Variants in EXOC4 observed in about 807,000 individuals in gnomAD.
EXOC4 encodes the protein exocyst complex component 4.
In EXOC4, 71 loss-of-function variants were observed where a neutral mutation model predicts 107.2. That is an observed-to-expected ratio of 0.66 (90% confidence interval 0.55 to 0.81). The LOEUF (loss-of-function observed/expected upper bound fraction) is 0.81, where lower values mean the gene tolerates loss of function less well. EXOC4 is among the 30% of genes least tolerant of loss of function. The pLI is 0.00. For missense variants in EXOC4, 1,108 were observed against 1,189.6 expected (o/e 0.93, Z 1.01); for synonymous variants, 456 against 441.2 (o/e 1.03, Z -0.42).
intron 7 of EXOC4, among the ~76,000 whole-genome samples, chr7:133,391,983 TA>T (rs1796862449): frequency 1.3e-5 from 2 of 152,330 alleles, no homozygotes; most frequent in South Asian, 4.1e-4. Flanking sequence ...ATAAAGGAAT[TA>T]CTTACTTTCC....
At chr7:133,583,981 G>A (rs1196383451) in intron 9 of EXOC4, among the ~76,000 whole-genome samples, 1 of 152,114 alleles carries the variant, frequency 6.6e-6, no homozygotes, top group Non-Finnish European at 1.5e-5. Context: ...GACTGTGTGG[G>A]TCGGGGAAGA....
intron 7 of EXOC4, among the ~76,000 whole-genome samples, chr7:133,416,041 TA>T (rs573398402): frequency 2.0e-5 from 3 of 152,264 alleles, no homozygotes; most frequent in African/African-American, 7.2e-5. Flanking sequence ...TGTAGTTAAA[TA>T]AAAAACAACA....
At chr7:133,808,673 A>T (rs2542275) in intron 10 of EXOC4, among the ~76,000 whole-genome samples, 150,245 of 152,252 alleles carry the variant, frequency 0.99, 74,175 homozygotes, top group Middle Eastern at 1. Context: ...CCAAAGCCCA[A>T]TTGTCATCTG....
chr7:133,329,669 A>T (rs1795333636), intron 5 of EXOC4, among the ~76,000 whole-genome samples: 1 of 152,100 alleles, frequency 6.6e-6, no homozygotes. Flanking sequence ...TTTCCTTCTA[A>T]CAGTCAGGAC....
intron 7 of EXOC4, among the ~76,000 whole-genome samples, chr7:133,436,514 A>T (rs541183027): frequency 6.6e-6 from 1 of 151,468 alleles, no homozygotes; most frequent in Non-Finnish European, 1.5e-5. Context: ...AAAAAAAAAA[A>T]CCCTAATATT....
the EXOC4 span, among the ~76,000 whole-genome samples, chr7:134,077,638 C>T: frequency 6.6e-6 from 1 of 152,172 alleles, no homozygotes; most frequent in Non-Finnish European, 1.5e-5. Context: ...ACACACTTCA[C>T]AAAAGGGGGT....
chr7:133,918,800 A>T (rs1483301025), intron 13 of EXOC4, among the ~76,000 whole-genome samples: 1 of 152,182 alleles, frequency 6.6e-6, no homozygotes, highest in Non-Finnish European at 1.5e-5. Context: ...CAAAGTTGGG[A>T]TTAATATTAT....
chr7:133,772,147 C>T (rs866098794), intron 10 of EXOC4, among the ~76,000 whole-genome samples: 6 of 151,848 alleles, frequency 4.0e-5, no homozygotes, highest in African/African-American at 2.4e-5. Flanking sequence ...ATATGAGGCA[C>T]GAGTTCAACA....
In EXOC4 at chr7:133,428,714, C is replaced by T. The variant is rs150975410; in HGVS notation, c.1183-46614C>T. On this transcript the variant is annotated intron_variant, in intron 7 of 17. Coordinates refer to ENST00000253861, the MANE Select transcript of EXOC4 (RefSeq NM_021807.4). Reference sequence around the variant, plus strand: ...TTCGGGTTCCTTCAGTTATATTCTACATCAGTGTGTTTTCTGGTATGCCAC... The same window carrying T: ...TTCGGGTTCCTTCAGTTATATTCTATATCAGTGTGTTTTCTGGTATGCCAC... 1.8e-4 allele frequency among the ~76,000 whole-genome samples: 28 copies of T among 152,306 alleles called. No homozygotes were observed. The East Asian group carries it at 5.4e-3, about 29-fold the overall frequency.
chr7:133,779,196 A>G (rs753006597), intron 10 of EXOC4, among the ~76,000 whole-genome samples: 3 of 152,226 alleles, frequency 2.0e-5, no homozygotes, highest in Admixed American at 6.5e-5. Context: ...GGTAGGCCAC[A>G]GGGTTTTGCT....
chr7:133,678,322 T>C (rs1055411546), intron 10 of EXOC4, among the ~76,000 whole-genome samples: 2 of 152,170 alleles, frequency 1.3e-5, no homozygotes, highest in African/African-American at 4.8e-5. Flanking sequence ...TAATTCTCAA[T>C]TTCCCACTTT....
At chr7:133,669,155 G>T (rs961945737) in intron 10 of EXOC4, among the ~76,000 whole-genome samples, 7 of 151,948 alleles carry the variant, frequency 4.6e-5, no homozygotes, top group Non-Finnish European at 4.4e-5. Context: ...CACCAATACA[G>T]ATTTTCCCCC....
intron 5 of EXOC4, among the ~76,000 whole-genome samples, chr7:133,340,708 G>A (rs1484607052): frequency 6.6e-6 from 1 of 151,884 alleles, no homozygotes; most frequent in African/African-American, 2.4e-5. Context: ...CTCACTGCTT[G>A]TTATTGGTTT....
Position 133,366,727 on chromosome 7 carries a change from A to C in EXOC4, c.1008-8101A>C, listed in dbSNP as rs570515144. 6.2e-4 allele frequency among the ~76,000 whole-genome samples: 95 copies of C among 152,290 alleles called. No individual in the cohort carries two copies. In the South Asian group the frequency reaches 8.1e-3, roughly 13 times the overall value. ...GAGCCCACTTTTTCATTCCTTTATC[A>C]ACAAATATTTATTGCCTATCATATG... On this transcript the variant is annotated intron_variant, in intron 6 of 17. Coordinates refer to ENST00000253861, the MANE Select transcript of EXOC4 (RefSeq NM_021807.4).
chr7:133,761,902 C>G (rs779629441), intron 10 of EXOC4, among the ~76,000 whole-genome samples: 1 of 152,166 alleles, frequency 6.6e-6, no homozygotes, highest in Non-Finnish European at 1.5e-5. Context: ...GCTTCTCCCT[C>G]CTGACATGAG....
At chr7:133,509,786 G>A (rs1799732600) in intron 9 of EXOC4, among the ~76,000 whole-genome samples, 2 of 152,168 alleles carry the variant, frequency 1.3e-5, no homozygotes, top group African/African-American at 2.4e-5. Flanking sequence ...GGCATTGTCT[G>A]TCTTTGTTAA....
At chr7:133,346,062 A>G (rs1278479506) in intron 5 of EXOC4, among the ~76,000 whole-genome samples, 1 of 152,232 alleles carries the variant, frequency 6.6e-6, no homozygotes, top group Non-Finnish European at 1.5e-5. Context: ...ATTAATTAGA[A>G]TAAAAGATGT....
At chr7:133,959,644 G>A (rs1482525960) in intron 14 of EXOC4, among the ~76,000 whole-genome samples, 1 of 151,786 alleles carries the variant, frequency 6.6e-6, no homozygotes, top group Admixed American at 6.6e-5. Context: ...TCCTCACCAA[G>A]GCAGTCATCT....
intron 7 of EXOC4, among the ~76,000 whole-genome samples, chr7:133,423,513 A>T (rs1179615839): frequency 6.6e-6 from 1 of 152,160 alleles, no homozygotes; most frequent in Non-Finnish European, 1.5e-5. Flanking sequence ...GACTTTTGTC[A>T]GTTTCCTTCC....
Sources: gnomAD v4.1 joint callset for allele counts (sites outside exome capture counted in the v4.1 genomes callset) on GRCh38, gnomAD v4.1.1 for gene constraint, MANE v1.5 for transcripts, NCBI Gene and HGNC (gene_info 2026-07-23, HGNC 2026-07-21) for gene names.